Variants in SKI observed in about 807,000 individuals in gnomAD.
The protein encoded by SKI is ski oncogene.
SKI carries 23 observed loss-of-function variants against 59.3 expected under a neutral mutation model. The ratio of observed to expected loss-of-function variants is 0.39; its 90% CI spans 0.28 to 0.55. The LOEUF is 0.55. Ranked by LOEUF, SKI falls within the 20% of genes least tolerant of loss-of-function variation. The pLI is 0.67. For missense variants in SKI, 1,017 were observed against 1,038.9 expected (o/e 0.98, Z 0.29); for synonymous variants, 673 against 488.6 (o/e 1.38, Z -4.98).
Position 2,303,449 on chromosome 1 carries a change from C to T in SKI, c.1211+49C>T, listed in dbSNP as rs749877484. On this transcript the variant is annotated intron_variant, in intron 3 of 6. Transcript: ENST00000378536. The surrounding 1 kb of genome is among the most constrained non-coding windows in gnomAD (Gnocchi z 5.6). ...GTTTCTGATCACGGGGGAGGCTCCACGAGGGCTGTGCATGCGGACGCGCCC... is the reference window on the plus strand; with the variant it reads ...GTTTCTGATCACGGGGGAGGCTCCATGAGGGCTGTGCATGCGGACGCGCCC... 7.9e-6 allele frequency: 12 copies of T among 1,522,566 alleles called. No homozygotes were observed. The highest frequency in any genetic ancestry group is 4.5e-5 in the South Asian group (4 of 89,408). 94.3% of individuals were successfully genotyped at this position (1,522,566 alleles called of 1,614,324 possible). A position where few individuals can be genotyped will look rare whatever the true frequency, so the allele number is the denominator to read the frequency against.
rs530308736 is a variant in SKI at position 2,287,665 on chromosome 1, A to AG, written c.970-15306dup. ...AAGGTGGGCTACGAGGGTCTGCCGC[A>AG]GGGGGGGTGTGGACGGGTCTTGCAT... is the stretch of plus-strand genomic sequence containing the variant. On this transcript the variant is annotated intron_variant, in intron 1 of 6. Transcript: ENST00000378536. Among the ~76,000 whole-genome samples the AG allele has an allele frequency of 8.6e-3, 1,301 of 151,616 alleles. 16 individuals are homozygous for AG. Among genetic ancestry groups the AG allele is most frequent in the African/African-American group, 0.029 (1,179 of 41,284 alleles).
intron 1 of SKI, among the ~76,000 whole-genome samples, chr1:2,254,012 C>T (rs570898565): frequency 7.2e-5 from 11 of 152,350 alleles, no homozygotes; most frequent in African/African-American, 2.4e-4. Context: ...CGGCAAGGGC[C>T]ACGTGCCTGG....
In SKI at chr1:2,306,787, C is replaced by G. The variant is rs908391053; in HGVS notation, c.*22C>G. Reference sequence around the variant, plus strand: ...GTAGATTCCGTGCCTGCCGCCGCAGCGCCGCCGACAACGCGGGTGCAGGGG... The same window carrying G: ...GTAGATTCCGTGCCTGCCGCCGCAGGGCCGCCGACAACGCGGGTGCAGGGG... On this transcript the variant is annotated 3_prime_UTR_variant, in exon 7 of 7. Coordinates refer to ENST00000378536, the MANE Select transcript of SKI (RefSeq NM_003036.4). 1.6e-5 allele frequency: 23 copies of G among 1,477,252 alleles called. No individual in the cohort carries two copies. The highest frequency in any genetic ancestry group is 2.0e-5 in the Non-Finnish European group (22 of 1,117,794). The allele number at this position is 1,477,252 out of a possible 1,614,324, so 91.5% of individuals were successfully genotyped here. A position where few individuals can be genotyped will look rare whatever the true frequency, so the allele number is the denominator to read the frequency against.
At chr1:2,258,836 C>T (rs1204395649) in intron 1 of SKI, among the ~76,000 whole-genome samples, 5 of 152,164 alleles carry the variant, frequency 3.3e-5, no homozygotes, top group Non-Finnish European at 5.9e-5. Context: ...CGTGAGCCAC[C>T]GTGCCTGGCG....
chr1:2,277,769 A>G (rs975995025), intron 1 of SKI, among the ~76,000 whole-genome samples: 1 of 147,296 alleles, frequency 6.8e-6, no homozygotes, highest in African/African-American at 2.6e-5. Context: ...ACCCATGGGC[A>G]CACGTGCACA....
chr1:2,238,792 C>T (rs698696), intron 1 of SKI, among the ~76,000 whole-genome samples: 63,178 of 152,218 alleles, frequency 0.42, 13,392 homozygotes, highest in Admixed American at 0.47. Context: ...GCAGAACCTC[C>T]GCTGTCAGCG....
At chr1:2,249,690 C>A (rs1311099645) in intron 1 of SKI, among the ~76,000 whole-genome samples, 1 of 152,220 alleles carries the variant, frequency 6.6e-6, no homozygotes, top group Non-Finnish European at 1.5e-5. Context: ...CTCACGGTGT[C>A]CCCTGCTCCA....
chr1:2,273,573 T>C (rs1639675305), intron 1 of SKI, among the ~76,000 whole-genome samples: 1 of 152,076 alleles, frequency 6.6e-6, no homozygotes, highest in Non-Finnish European at 1.5e-5. Context: ...GGGGCGGTCC[T>C]CCCCAGCCTT....
intron 5 of SKI, 105 bp downstream of exon 5, chr1:2,304,690 C>T (rs1640523846): frequency 2.1e-6 from 3 of 1,445,942 alleles, no homozygotes; most frequent in Admixed American, 2.6e-5. Flanking sequence ...CTGGCTGCCC[C>T]ATGCGCTCCT....
At chr1:2,254,250 C>G (rs375971575) in intron 1 of SKI, among the ~76,000 whole-genome samples, 2 of 152,196 alleles carry the variant, frequency 1.3e-5, no homozygotes, top group Non-Finnish European at 2.9e-5. Context: ...CCTGCTGGTG[C>G]GCCTGCAAGA....
intron 1 of SKI, among the ~76,000 whole-genome samples, chr1:2,291,602 C>A (rs1557844027): frequency 8.8e-6 from 1 of 113,156 alleles, no homozygotes; most frequent in Non-Finnish European, 2.2e-5. Context: ...AAGCTGGGCC[C>A]TCCCCCACCC....
At position 2,303,470 on chromosome 1, in the gene SKI, C is replaced by A; in HGVS notation, c.1211+70C>A. 3 of 1,365,634 alleles carry A rather than the reference C, an allele frequency of 2.2e-6. 1 individual carries two copies. Among genetic ancestry groups the A allele is most frequent in the South Asian group, 2.4e-5 (2 of 84,890 alleles). 84.6% of individuals were successfully genotyped at this position (1,365,634 alleles called of 1,614,324 possible). On this transcript the variant is annotated intron_variant, in intron 3 of 6. Transcript: ENST00000378536. This position sits in a 1 kb window ranked among gnomAD's most constrained non-coding sequence, Gnocchi z 5.6. ...TCCACGAGGGCTGTGCATGCGGACG[C>A]GCCCATGTTTCTGCAGGCTGGGTGC...
At chr1:2,234,206 C>T (rs1277269232) in intron 1 of SKI, among the ~76,000 whole-genome samples, 2 of 152,148 alleles carry the variant, frequency 1.3e-5, no homozygotes, top group South Asian at 2.1e-4. Flanking sequence ...TGGTTCTTGA[C>T]CTCTGCCCAC....
intron 1 of SKI, among the ~76,000 whole-genome samples, chr1:2,293,244 G>A (rs1028039513): frequency 3.9e-5 from 6 of 152,212 alleles, no homozygotes; most frequent in African/African-American, 9.6e-5. Context: ...GTTGGCGATC[G>A]GGACTCACCA....
chr1:2,246,974 G>C (rs774792222), intron 1 of SKI, among the ~76,000 whole-genome samples: 13 of 152,228 alleles, frequency 8.5e-5, no homozygotes, highest in Non-Finnish European at 1.2e-4. Context: ...TGTAATCCCA[G>C]CACTTTGGGA....
At chr1:2,304,203 T>G (rs1640506467) in intron 4 of SKI, 90 bp from the exon 5 acceptor site, 2 of 1,568,242 alleles carry the variant, frequency 1.3e-6, no homozygotes, top group East Asian at 2.4e-5. Context: ...GCCCCATGTT[T>G]CGCAGGTTCC....
intron 1 of SKI, among the ~76,000 whole-genome samples, chr1:2,274,678 A>T (rs906341245): frequency 6.6e-6 from 1 of 152,222 alleles, no homozygotes; most frequent in East Asian, 1.9e-4. Flanking sequence ...CCCCCTGGCC[A>T]TGAGCCATGA....
chr1:2,247,182 G>A (rs1183792385), intron 1 of SKI, among the ~76,000 whole-genome samples: 1 of 152,192 alleles, frequency 6.6e-6, no homozygotes, highest in Non-Finnish European at 1.5e-5. Context: ...TTGTGCCACT[G>A]CACTTCAGCC....
chr1:2,232,278 C>T (rs532951773), intron 1 of SKI, among the ~76,000 whole-genome samples: 2 of 152,342 alleles, frequency 1.3e-5, no homozygotes, highest in African/African-American at 4.8e-5. Context: ...AGCAGGCCTT[C>T]GGGCTCTGCG....
Sources: allele counts gnomAD v4.1 joint callset (sites outside exome capture counted in the v4.1 genomes callset), GRCh38; gene constraint gnomAD v4.1.1; non-coding constraint Gnocchi (gnomAD v3.1); transcripts MANE v1.5; gene names NCBI Gene and HGNC (gene_info 2026-07-23, HGNC 2026-07-21).